Variants in NAALADL2 observed in about 807,000 individuals in gnomAD.
NAALADL2 encodes the protein inactive N-acetylated-alpha-linked acidic dipeptidase-like protein 2.
NAALADL2 carries 76 observed loss-of-function variants against 87.2 expected under a neutral mutation model. The ratio of observed to expected loss-of-function variants is 0.87; its 90% CI spans 0.72 to 1.05. The LOEUF (loss-of-function observed/expected upper bound fraction) is 1.05. Among genes scored for constraint, NAALADL2 ranks in the 50% least tolerant of loss-of-function variants. The probability of loss-of-function intolerance (pLI) is 0.00; values close to 1 mark genes in which losing one functional copy is unlikely to be tolerated. For missense variants in NAALADL2, 1,089 were observed against 945.8 expected (o/e 1.15, Z -1.99); for synonymous variants, 354 against 331.0 (o/e 1.07, Z -0.75).
At chr3:174,668,596 G>A (rs9878052) in intron 2 of NAALADL2, among the ~76,000 whole-genome samples, 6,410 of 151,794 alleles carry the variant, frequency 0.042, 481 homozygotes, top group African/African-American at 0.15. Flanking sequence ...AACGGGCCCC[G>A]GTGTGTGATG....
At position 175,454,659 on chromosome 3, in the gene NAALADL2, T is replaced by C. The variant is rs139744728; in HGVS notation, c.1234+7287T>C. Among the ~76,000 whole-genome samples, 416 of 152,244 alleles carry C rather than the reference T, an allele frequency of 2.7e-3. 2 individuals are homozygous for C. The highest frequency in any genetic ancestry group is 8.0e-3 in the African/African-American group (334 of 41,554). ...TCCCATCACAACTTAAATTTTGACC[T>C]AGTAAGTTCTTAATTTCTTGCTAAT... On this transcript the variant is annotated intron_variant, in intron 6 of 13. Coordinates refer to ENST00000454872, the MANE Select transcript of NAALADL2 (RefSeq NM_207015.3).
chr3:175,400,980 C>T (rs1205890333), intron 5 of NAALADL2, among the ~76,000 whole-genome samples: 1 of 152,134 alleles, frequency 6.6e-6, no homozygotes, highest in African/African-American at 2.4e-5. Flanking sequence ...GCCAATCAGC[C>T]TTTATGCAGC....
At chr3:175,522,791 A>T (rs1732832707) in intron 9 of NAALADL2, among the ~76,000 whole-genome samples, 1 of 152,174 alleles carries the variant, frequency 6.6e-6, no homozygotes, top group African/African-American at 2.4e-5. Flanking sequence ...TTTGATTTTG[A>T]TTATGGAAAT....
intron 3 of NAALADL2, among the ~76,000 whole-genome samples, chr3:174,835,415 A>G (rs796823491): frequency 2.0e-5 from 3 of 152,146 alleles, no homozygotes; most frequent in South Asian, 4.1e-4. Flanking sequence ...AGAAGAAAAC[A>G]TAGGGAAATG....
chr3:175,019,560 A>G (rs1245545241), intron 1 of NAALADL2, among the ~76,000 whole-genome samples: 2 of 152,052 alleles, frequency 1.3e-5, no homozygotes, highest in African/African-American at 4.8e-5. Flanking sequence ...TAATTGAATC[A>G]TTAAGTTATG....
rs774266766 is a variant in NAALADL2, at chr3:174,875,308, TAAA to T, written c.43+15862_43+15864del. On this transcript the variant is annotated intron_variant, in intron 1 of 13. Coordinates refer to ENST00000454872, the MANE Select transcript of NAALADL2 (RefSeq NM_207015.3). The stretch of plus-strand genomic sequence containing the variant: ...ATTATTTATTTATTTTCAAAAATGA[TAAA>T]AAAGCAGGAGTGAAAAGAGTAGACT... Among the ~76,000 whole-genome samples, 92 of 152,066 alleles carry T rather than the reference TAAA, an allele frequency of 6.0e-4. 1 individual carries two copies. The highest frequency in any genetic ancestry group is 4.1e-4 in the African/African-American group (17 of 41,494).
intron 2 of NAALADL2, among the ~76,000 whole-genome samples, chr3:175,212,846 G>A (rs372793472): frequency 3.2e-4 from 48 of 152,176 alleles, no homozygotes; most frequent in African/African-American, 4.3e-4. Context: ...CTTAAATAAC[G>A]CAGAAAATTG....
intron 10 of NAALADL2, among the ~76,000 whole-genome samples, chr3:175,604,013 C>A (rs1723321919): frequency 6.6e-6 from 1 of 152,092 alleles, no homozygotes; most frequent in Non-Finnish European, 1.5e-5. Flanking sequence ...ACAACAACAA[C>A]AAATATCTCT....
At chr3:175,074,729 G>C (rs552777265) in intron 1 of NAALADL2, among the ~76,000 whole-genome samples, 244 of 152,072 alleles carry the variant, frequency 1.6e-3, no homozygotes, top group Non-Finnish European at 2.7e-3. Flanking sequence ...GAGGGTTTTT[G>C]TTATTTTTTT....
intron 1 of NAALADL2, among the ~76,000 whole-genome samples, chr3:174,961,091 TTAATA>T (rs1001803434): frequency 2.7e-5 from 4 of 147,936 alleles, no homozygotes; most frequent in African/African-American, 7.4e-5. Flanking sequence ...TTAAATAATA[TTAATA>T]TAATATATAA....
intron 2 of NAALADL2, among the ~76,000 whole-genome samples, chr3:174,735,738 T>A (rs1001994125): frequency 6.6e-6 from 1 of 152,136 alleles, no homozygotes; most frequent in Non-Finnish European, 1.5e-5. Context: ...TTTTTATTTT[T>A]ATTTCTTGTA....
intron 1 of NAALADL2, among the ~76,000 whole-genome samples, chr3:174,932,082 A>T (rs1334879359): frequency 6.6e-6 from 1 of 152,186 alleles, no homozygotes; most frequent in African/African-American, 2.4e-5. Context: ...TTTATTGGAC[A>T]CTCTAAAGAC....
chr3:174,888,393 C>G (rs1286604199), intron 1 of NAALADL2, among the ~76,000 whole-genome samples: 1 of 152,216 alleles, frequency 6.6e-6, no homozygotes, highest in Non-Finnish European at 1.5e-5. Flanking sequence ...TGCTCACTTA[C>G]TACTGTAAAA....
At chr3:174,710,230 C>CTTTTTTTTTTTTTTTTTTTTTTT (rs57899491) in intron 2 of NAALADL2, among the ~76,000 whole-genome samples, 3 of 136,346 alleles carry the variant, frequency 2.2e-5, no homozygotes, top group South Asian at 2.4e-4. Flanking sequence ...TATGAGCCTC[C>CTTTTTTTTTTTTTTTTTTTTTTT]TTTTTTTTTT....
intron 4 of NAALADL2, among the ~76,000 whole-genome samples, chr3:175,283,426 T>A (rs1185589992): frequency 6.6e-6 from 1 of 152,116 alleles, no homozygotes; most frequent in Non-Finnish European, 1.5e-5. Context: ...AAAATGTTTT[T>A]GTTCTGTTAG....
chr3:174,523,656 A>T (rs1217449325), intron 1 of NAALADL2: 1 of 152,226 alleles, frequency 6.6e-6, no homozygotes, highest in East Asian at 1.9e-4. Context: ...AATAGAAAAC[A>T]GTTGAAATTT....
chr3:174,876,502 C>CAT (rs1410217351), intron 1 of NAALADL2, among the ~76,000 whole-genome samples: 5 of 152,244 alleles, frequency 3.3e-5, no homozygotes, highest in African/African-American at 9.6e-5. Context: ...GAATTATACG[C>CAT]ATAGGTAGGA....
intron 4 of NAALADL2, among the ~76,000 whole-genome samples, chr3:175,317,898 A>G (rs1184825924): frequency 1.3e-5 from 2 of 152,230 alleles, no homozygotes; most frequent in Admixed American, 1.3e-4. Flanking sequence ...TAGCTTATCA[A>G]AAATCATCAA....
intron 1 of NAALADL2, among the ~76,000 whole-genome samples, chr3:174,476,706 A>G (rs1007605686): frequency 3.9e-5 from 6 of 152,070 alleles, no homozygotes; most frequent in Admixed American, 3.3e-4. Context: ...AAAAATGCTC[A>G]GAAATGGATT....
Sources: gnomAD v4.1 joint callset for allele counts (sites outside exome capture counted in the v4.1 genomes callset) on GRCh38, gnomAD v4.1.1 for gene constraint, MANE v1.5 for transcripts, NCBI Gene and HGNC (gene_info 2026-07-23, HGNC 2026-07-21) for gene names.